The following FHIT variants were observed in gnomAD, a reference collection of about 807,000 sequenced individuals.
FHIT encodes the protein fragile histidine triad diadenosine triphosphatase, also known as bis(5'-adenosyl)-triphosphatase.
Under a neutral mutation model 17.9 loss-of-function variants are expected in FHIT, and 19 were observed. The observed-to-expected ratio is 1.06, with a 90% CI of 0.74 to 1.56. FHIT has a LOEUF of 1.56. FHIT is among the 40% of genes most tolerant of loss of function. The pLI, the probability that FHIT is intolerant of heterozygous loss-of-function variation, is 0.00. For missense variants in FHIT, 248 were observed against 189.2 expected, an observed-to-expected ratio of 1.31 and a Z score of -1.82; for synonymous variants, 81 against 69.7, an observed-to-expected ratio of 1.16 and a Z score of -0.81.
intron 4 of FHIT, among the ~76,000 whole-genome samples, chr3:60,568,151 T>C (rs985178577): frequency 6.6e-6 from 1 of 152,180 alleles, no homozygotes; most frequent in Admixed American, 6.5e-5. Flanking sequence ...TAAAGACACA[T>C]GCACACACAT....
intron 7 of FHIT, among the ~76,000 whole-genome samples, chr3:59,973,113 G>A (rs985851040): frequency 1.3e-5 from 2 of 151,922 alleles, no homozygotes; most frequent in African/African-American, 4.8e-5. Flanking sequence ...TCCCATGATG[G>A]CAATTACTGA....
chr3:59,951,271 A>G (rs7625787), intron 7 of FHIT, among the ~76,000 whole-genome samples: 30,554 of 151,396 alleles, frequency 0.2, 3,455 homozygotes, highest in African/African-American at 0.3. Flanking sequence ...CATGGAAATA[A>G]CACAGAAATG....
intron 2 of FHIT, among the ~76,000 whole-genome samples, chr3:61,160,720 C>G (rs1451249906): frequency 6.6e-6 from 1 of 152,124 alleles, no homozygotes. Flanking sequence ...GTGAGGATAG[C>G]CATGAAACAA....
chr3:60,691,737 T>G (rs1331006075), intron 4 of FHIT, among the ~76,000 whole-genome samples: 1 of 152,180 alleles, frequency 6.6e-6, no homozygotes, highest in Non-Finnish European at 1.5e-5. Flanking sequence ...GACATTCTGG[T>G]CTCTTTACAA....
At chr3:60,554,782 A>G (rs1373329368) in intron 4 of FHIT, among the ~76,000 whole-genome samples, 1 of 152,262 alleles carries the variant, frequency 6.6e-6, no homozygotes, top group South Asian at 2.1e-4. Flanking sequence ...TGAATACAAC[A>G]TAATAATTAC....
chr3:59,962,820 A>T (rs1263552712), intron 7 of FHIT, among the ~76,000 whole-genome samples: 1 of 152,266 alleles, frequency 6.6e-6, no homozygotes, highest in African/African-American at 2.4e-5. Flanking sequence ...GGGAATAAGA[A>T]TCACAATAAA....
intron 5 of FHIT, among the ~76,000 whole-genome samples, chr3:60,309,494 T>C (rs1010046637): frequency 1.3e-5 from 2 of 152,198 alleles, no homozygotes; most frequent in Non-Finnish European, 2.9e-5. Flanking sequence ...ACTTTTTGTT[T>C]AAGCCAAAAG....
intron 3 of FHIT, among the ~76,000 whole-genome samples, chr3:61,020,349 T>C (rs1372195872): frequency 1.3e-5 from 2 of 152,232 alleles, no homozygotes; most frequent in African/African-American, 4.8e-5. Flanking sequence ...TTGAGAAGTG[T>C]TTGTTCATAT....
At chr3:61,143,989 A>C (rs1387661439) in intron 2 of FHIT, among the ~76,000 whole-genome samples, 1 of 152,212 alleles carries the variant, frequency 6.6e-6, no homozygotes, top group Non-Finnish European at 1.5e-5. Flanking sequence ...ATGCTAACAT[A>C]ATAAATGAAT....
At chr3:61,064,341 T>G (rs1024088685) in intron 2 of FHIT, among the ~76,000 whole-genome samples, 2 of 152,174 alleles carry the variant, frequency 1.3e-5, no homozygotes, top group African/African-American at 4.8e-5. Context: ...GCAGCCATTT[T>G]GTGGCATGAG....
At chr3:60,956,188 A>G (rs1398044558) in intron 3 of FHIT, among the ~76,000 whole-genome samples, 2 of 152,250 alleles carry the variant, frequency 1.3e-5, no homozygotes, top group Non-Finnish European at 2.9e-5. Context: ...CTACTGAAAC[A>G]AAAACATCAC....
At chr3:61,143,849 G>C (rs181252991) in intron 2 of FHIT, among the ~76,000 whole-genome samples, 1 of 152,144 alleles carries the variant, frequency 6.6e-6, no homozygotes, top group Non-Finnish European at 1.5e-5. Flanking sequence ...TTGGGTGACA[G>C]AGCAAGACTC....
chr3:60,021,395 T>C (rs3912493), intron 5 of FHIT, among the ~76,000 whole-genome samples: 70,811 of 151,902 alleles, frequency 0.47, 17,688 homozygotes, highest in East Asian at 0.8. Flanking sequence ...GACAGGGGAG[T>C]CCGCAGCCCG....
chr3:59,971,467 T>C (rs763009892), intron 7 of FHIT, among the ~76,000 whole-genome samples: 7 of 151,574 alleles, frequency 4.6e-5, no homozygotes, highest in South Asian at 2.1e-4. Context: ...AGCTGATAGA[T>C]AGAACCTAAG....
chr3:60,201,464 G>C (rs1702902599), intron 5 of FHIT, among the ~76,000 whole-genome samples: 1 of 151,734 alleles, frequency 6.6e-6, no homozygotes, highest in African/African-American at 2.4e-5. Context: ...TAAAGTCCAG[G>C]GCCATTCAGA....
At chr3:60,885,659 A>C (rs6793095) in intron 3 of FHIT, among the ~76,000 whole-genome samples, 36,050 of 151,940 alleles carry the variant, frequency 0.24, 4,750 homozygotes, top group African/African-American at 0.33. Context: ...TATCAACCTC[A>C]CTACCCCAGT....
chr3:60,622,828 CCTT>C (rs1474312027), intron 4 of FHIT, among the ~76,000 whole-genome samples: 2 of 152,182 alleles, frequency 1.3e-5, no homozygotes, highest in African/African-American at 4.8e-5. Context: ...AAGACCTTGT[CCTT>C]CATCAGTAGT....
intron 3 of FHIT, among the ~76,000 whole-genome samples, chr3:61,010,832 T>C (rs1455363227): frequency 6.6e-6 from 1 of 152,198 alleles, no homozygotes; most frequent in Non-Finnish European, 1.5e-5. Context: ...GTAGATAATA[T>C]CAAGAGTTGA....
At chr3:60,186,721 A>AGGT (rs1702174240) in intron 5 of FHIT, among the ~76,000 whole-genome samples, 1 of 152,170 alleles carries the variant, frequency 6.6e-6, no homozygotes, top group Non-Finnish European at 1.5e-5. Flanking sequence ...GATAAAGCTA[A>AGGT]GGTTGGGAAA....
Sources: gnomAD v4.1 joint callset for allele counts (sites outside exome capture counted in the v4.1 genomes callset) on GRCh38, gnomAD v4.1.1 for gene constraint, MANE v1.5 for transcripts, NCBI Gene and HGNC (gene_info 2026-07-23, HGNC 2026-07-21) for gene names.